The following CTNNA2 variants were observed in gnomAD, a reference collection of about 807,000 sequenced individuals.
The protein encoded by CTNNA2 is catenin alpha-2.
CTNNA2 carries 42 observed loss-of-function variants against 101.0 expected under a neutral mutation model. The observed-to-expected ratio is 0.42, with a 90% CI of 0.32 to 0.54. The LOEUF (loss-of-function observed/expected upper bound fraction) is 0.54, where lower values mean the gene tolerates loss of function less well. Ranked by LOEUF, CTNNA2 falls within the 20% of genes least tolerant of loss-of-function variation. CTNNA2 has a pLI of 0.14. For missense variants in CTNNA2, 871 were observed against 1,223.1 expected (o/e 0.71, Z 4.29); for synonymous variants, 450 against 456.4 (o/e 0.99, Z 0.18).
At position 80,302,748 on chromosome 2, in the gene CTNNA2, A is replaced by G. The variant is rs777944232; in HGVS notation, c.1057-90463A>G. On this transcript the variant is annotated intron_variant, in intron 7 of 18. Coordinates refer to ENST00000402739, the MANE Select transcript of CTNNA2 (RefSeq NM_001282597.3). The surrounding 1 kb of genome is among the most constrained non-coding windows in gnomAD (Gnocchi z 6.4). ...CCATCCTCGCACAGGTGGAAGGCGTACACGGCGTCCAGGACGTCCTCGCCC... is the reference window on the plus strand; with the variant it reads ...CCATCCTCGCACAGGTGGAAGGCGTGCACGGCGTCCAGGACGTCCTCGCCC... 6.2e-7 allele frequency: 1 copy of G among 1,613,168 alleles called. No individual in the cohort carries two copies.
At chr2:79,758,331 G>A (rs1672536188) in intron 3 of CTNNA2, among the ~76,000 whole-genome samples, 1 of 152,200 alleles carries the variant, frequency 6.6e-6, no homozygotes, top group South Asian at 2.1e-4. Context: ...TCTGATGTCA[G>A]TGACTTGATG....
chr2:80,280,468 T>A lies in CTNNA2; in HGVS notation c.1057-112743T>A, dbSNP rs144844843. 2.6e-4 allele frequency among the ~76,000 whole-genome samples: 39 copies of A among 151,794 alleles called. No individual in the cohort carries two copies. The East Asian group carries it at 7.6e-3, about 30-fold the overall frequency. On this transcript the variant is annotated intron_variant, in intron 7 of 18. Transcript: ENST00000402739. Reference sequence around the variant, plus strand: ...CCCTTTAGAGAATGGTACATTTCAATCAAATATTTCAGGCCAGTGGCACTC... The same window carrying A: ...CCCTTTAGAGAATGGTACATTTCAAACAAATATTTCAGGCCAGTGGCACTC...
In CTNNA2 at chr2:80,419,516, T is replaced by G. The variant is rs756943309; in HGVS notation, c.1205T>G (p.Leu402Arg). The G allele has an allele frequency of 6.2e-7, 1 of 1,613,650 alleles. No homozygotes were observed. Among genetic ancestry groups the G allele is most frequent in the Non-Finnish European group, 8.5e-7 (1 of 1,179,610 alleles). Reference sequence around the variant, plus strand: ...GAAACCAATGTTCCTTTGCTAGTTCTCATTGAGGCTGCAAAGAGCGGAAAT... The same window carrying G: ...GAAACCAATGTTCCTTTGCTAGTTCGCATTGAGGCTGCAAAGAGCGGAAAT... ...FLETNVPLLV[L>R]IEAAKSGNEK... is the part of the protein sequence containing the mutation. The change falls in exon 9 of 19, where the codon CTC becomes CGC. Residue 402 changes from leucine (L) to arginine (R), a missense_variant. Physicochemically the swap from Leu to Arg is moderately radical, Grantham distance 102. Around this residue, in one of 5 missense-constraint regions of CTNNA2, gnomAD observed 647 missense variants for 831.5 expected, o/e 0.78. Transcript: ENST00000402739.
intron 7 of CTNNA2, among the ~76,000 whole-genome samples, chr2:79,999,906 A>C (rs2103952986): frequency 6.6e-6 from 1 of 152,308 alleles, no homozygotes; most frequent in Non-Finnish European, 1.5e-5. Context: ...GGTTGTTTTC[A>C]GGAAATTTTA....
At chr2:79,611,132 A>G (rs1678244929) in intron 1 of CTNNA2, among the ~76,000 whole-genome samples, 1 of 152,184 alleles carries the variant, frequency 6.6e-6, no homozygotes, top group African/African-American at 2.4e-5. Context: ...TTACTCTAAA[A>G]CACAGGGTTG....
At chr2:80,164,478 A>G (rs1704531095) in intron 7 of CTNNA2, among the ~76,000 whole-genome samples, 1 of 152,034 alleles carries the variant, frequency 6.6e-6, no homozygotes, top group East Asian at 1.9e-4. Context: ...AATATTTTAT[A>G]TGTGTACATT....
chr2:79,406,674 C>G (rs567803218), intron 4 of CTNNA2, among the ~76,000 whole-genome samples: 4 of 152,034 alleles, frequency 2.6e-5, no homozygotes, highest in African/African-American at 9.6e-5. Flanking sequence ...TGGTTAGGGT[C>G]TCATTTATTT....
chr2:79,210,356 C>G (rs532683483), intron 2 of CTNNA2, among the ~76,000 whole-genome samples: 1 of 152,106 alleles, frequency 6.6e-6, no homozygotes, highest in Admixed American at 6.5e-5. Context: ...ATTAGAATTG[C>G]AAATATATTC....
At chr2:79,561,296 A>G (rs1380349271) in intron 1 of CTNNA2, among the ~76,000 whole-genome samples, 3 of 151,920 alleles carry the variant, frequency 2.0e-5, no homozygotes, top group Non-Finnish European at 4.4e-5. Context: ...TATTTTATGC[A>G]TATACCACAT....
At position 80,455,591 on chromosome 2, in the gene CTNNA2, C is replaced by T. The variant is rs563486644; in HGVS notation, c.1290+35990C>T. Among the ~76,000 whole-genome samples the T allele has an allele frequency of 1.5e-4, 23 of 152,330 alleles. 1 individual carries two copies. In the East Asian group the frequency reaches 2.5e-3, roughly 17 times the overall value. ...CCTTATCTTTTGTACCTTCATTCCT[C>T]TTCCACATCTTTCTGGAGAGGAGTG... On this transcript the variant is annotated intron_variant, in intron 9 of 18. Coordinates refer to ENST00000402739, the MANE Select transcript of CTNNA2 (RefSeq NM_001282597.3).
intron 7 of CTNNA2, among the ~76,000 whole-genome samples, chr2:80,079,837 TA>T (rs1238463375): frequency 5.3e-5 from 4 of 75,666 alleles, no homozygotes; most frequent in Non-Finnish European, 9.3e-5. Context: ...ATAAATAAAA[TA>T]AAATAAAATA....
chr2:79,524,700 C>T (rs1447978862), intron 1 of CTNNA2: 1 of 151,902 alleles, frequency 6.6e-6, no homozygotes, highest in East Asian at 1.9e-4. Context: ...AATACACTGT[C>T]TATACTGTAC....
intron 2 of CTNNA2, among the ~76,000 whole-genome samples, chr2:79,215,417 T>C (rs1674241823): frequency 6.6e-6 from 1 of 152,198 alleles, no homozygotes; most frequent in Non-Finnish European, 1.5e-5. Flanking sequence ...AATATGTTGC[T>C]ATTTGGCTGC....
chr2:79,684,601 G>GT (rs1401462930), intron 2 of CTNNA2, among the ~76,000 whole-genome samples: 1 of 152,116 alleles, frequency 6.6e-6, no homozygotes, highest in Non-Finnish European at 1.5e-5. Context: ...AATCAAGACA[G>GT]TTATTTTCAT....
At chr2:80,031,758 A>T (rs1356810192) in intron 7 of CTNNA2, among the ~76,000 whole-genome samples, 2 of 152,246 alleles carry the variant, frequency 1.3e-5, no homozygotes, top group Non-Finnish European at 2.9e-5. Flanking sequence ...TTCAACATGC[A>T]TAGCCATGGA....
At chr2:80,231,546 A>G (rs955197221) in intron 7 of CTNNA2, among the ~76,000 whole-genome samples, 1 of 152,194 alleles carries the variant, frequency 6.6e-6, no homozygotes, top group Non-Finnish European at 1.5e-5. Context: ...TTGAGAAACT[A>G]TTTTAGGCAA....
At chr2:80,181,514 C>T (rs1705778122) in intron 7 of CTNNA2, among the ~76,000 whole-genome samples, 2 of 152,122 alleles carry the variant, frequency 1.3e-5, no homozygotes, top group African/African-American at 4.8e-5. Context: ...TTCAGGTCAG[C>T]CACTCACATG....
intron 2 of CTNNA2, among the ~76,000 whole-genome samples, chr2:79,220,354 G>C (rs1394285139): frequency 6.6e-6 from 1 of 152,132 alleles, no homozygotes; most frequent in African/African-American, 2.4e-5. Flanking sequence ...TTTATTACTG[G>C]CAGAACTGTT....
intron 7 of CTNNA2, among the ~76,000 whole-genome samples, chr2:80,163,847 A>C (rs2148950042): frequency 6.6e-6 from 1 of 152,164 alleles, no homozygotes; most frequent in South Asian, 2.1e-4. Context: ...TTAACACTTT[A>C]ATATCACCTG....
Sources: allele counts gnomAD v4.1 joint callset (sites outside exome capture counted in the v4.1 genomes callset), GRCh38; gene constraint gnomAD v4.1.1; regional missense constraint gnomAD v4.1.1; non-coding constraint Gnocchi (gnomAD v3.1); transcripts MANE v1.5; gene names NCBI Gene and HGNC (gene_info 2026-07-23, HGNC 2026-07-21).